ARHGEF10L: variants seen among roughly 807,000 people sequenced by gnomAD.
ARHGEF10L encodes the protein Rho guanine nucleotide exchange factor 10 like.
A neutral mutation model predicts 141.2 loss-of-function variants in ARHGEF10L; 69 were observed. That is an observed-to-expected ratio of 0.49 (90% CI 0.40 to 0.60). The LOEUF (loss-of-function observed/expected upper bound fraction) is 0.60, where lower values mean the gene tolerates loss of function less well. ARHGEF10L is among the 20% of genes least tolerant of loss of function. ARHGEF10L has a pLI of 0.00. For synonymous variants in ARHGEF10L, 711 were observed against 718.5 expected (o/e 0.99, Z 0.17); for missense variants, 1,482 against 1,734.3 (o/e 0.85, Z 2.58).
At chr1:17,608,757 TC>T (rs1192905710) in intron 7 of ARHGEF10L, among the ~76,000 whole-genome samples, 1 of 152,136 alleles carries the variant, frequency 6.6e-6, no homozygotes, top group Non-Finnish European at 1.5e-5. Context: ...GGGGATGGCG[TC>T]CCTCTCAGGC....
At chr1:17,532,259 T>A in the ARHGEF10L span, among the ~76,000 whole-genome samples, 3 of 152,268 alleles carry the variant, frequency 2.0e-5, no homozygotes, top group Admixed American at 6.5e-5. Flanking sequence ...CAGCAACTCT[T>A]ATGCCTGGGA....
intron 1 of ARHGEF10L, among the ~76,000 whole-genome samples, chr1:17,545,912 G>A (rs764787935): frequency 5.3e-5 from 8 of 152,168 alleles, no homozygotes; most frequent in Non-Finnish European, 8.8e-5. Context: ...GAGTTAATGT[G>A]TGTTTTCTCC....
Position 17,587,636 on chromosome 1 carries a change from C to A in ARHGEF10L, c.214C>A (p.Pro72Thr). 1 of 1,610,862 alleles carries A rather than the reference C, an allele frequency of 6.2e-7. No individual in the cohort carries two copies. Among genetic ancestry groups the A allele is most frequent in the Non-Finnish European group, 8.5e-7 (1 of 1,178,278 alleles). Residue 72 changes from proline to threonine, a missense_variant, in exon 3 of 29, where the codon CCT (proline) becomes ACT (threonine). Physicochemically the swap from Pro to Thr is conservative, Grantham distance 38. Coordinates refer to ENST00000361221, the MANE Select transcript of ARHGEF10L (RefSeq NM_018125.4). ...CCCACTGATCCACTTGGACTCCATC[C>A]CTGTCACTGGTAAGATGTTTCTGGG... ...DPPLIHLDSIPVTDPDPAAAP... is the reference protein window; with the variant it reads ...DPPLIHLDSITVTDPDPAAAP...
intron 1 of ARHGEF10L, among the ~76,000 whole-genome samples, chr1:17,571,185 C>T (rs2077983435): frequency 6.6e-6 from 1 of 152,030 alleles, no homozygotes; most frequent in Non-Finnish European, 1.5e-5. Context: ...GAACTGCCAA[C>T]CTGGAGGGAG....
chr1:17,589,185 C>A (rs183179767), intron 4 of ARHGEF10L, among the ~76,000 whole-genome samples: 24 of 152,182 alleles, frequency 1.6e-4, no homozygotes. Context: ...AATGGGCTAT[C>A]GGGTAAGATG....
At chr1:17,526,014 AAAAAG>A in the ARHGEF10L span, among the ~76,000 whole-genome samples, 55 of 151,780 alleles carry the variant, frequency 3.6e-4, no homozygotes, top group Non-Finnish European at 6.0e-4. Flanking sequence ...AAAAAAAAAA[AAAAAG>A]AAAAGAAAAA....
At chr1:17,525,279 T>A in the ARHGEF10L span, among the ~76,000 whole-genome samples, 1 of 152,164 alleles carries the variant, frequency 6.6e-6, no homozygotes, top group African/African-American at 2.4e-5. Flanking sequence ...CTGAGCAATG[T>A]TATAATTAAA....
chr1:17,544,337 C>CTGGA (rs2076840790), intron 1 of ARHGEF10L, among the ~76,000 whole-genome samples: 1 of 151,816 alleles, frequency 6.6e-6, no homozygotes, highest in Admixed American at 6.6e-5. Context: ...GTTGCTCAGG[C>CTGGA]TGGAGTGCAA....
chr1:17,581,309 C>CAAAA (rs71014975), intron 2 of ARHGEF10L, among the ~76,000 whole-genome samples: 98 of 69,252 alleles, frequency 1.4e-3, no homozygotes, highest in Middle Eastern at 0.012. Flanking sequence ...AAGACTGTCT[C>CAAAA]AAAAAAAAAA....
In ARHGEF10L at chr1:17,635,214, G is replaced by A. The variant is rs767298888; in HGVS notation, c.1927+198G>A. 3.3e-5 allele frequency among the ~76,000 whole-genome samples: 5 copies of A among 152,110 alleles called. No individual in the cohort carries two copies. In the East Asian group the frequency reaches 5.8e-4, roughly 18 times the overall value. Reference sequence around the variant, plus strand: ...GAGCCATGGCCTCACCTGGGTGTGCGCAGGTGCATCTCCCAATCCACACAC... The same window carrying A: ...GAGCCATGGCCTCACCTGGGTGTGCACAGGTGCATCTCCCAATCCACACAC... On this transcript the variant is annotated intron_variant, in intron 18 of 28. Transcript: ENST00000361221.
chr1:17,548,241 C>T (rs559189040), intron 1 of ARHGEF10L, among the ~76,000 whole-genome samples: 18 of 152,156 alleles, frequency 1.2e-4, no homozygotes, highest in Non-Finnish European at 2.4e-4. Flanking sequence ...GGAGAAAAGG[C>T]ATATAGATTT....
intron 26 of ARHGEF10L, among the ~76,000 whole-genome samples, chr1:17,665,152 A>G (rs548846832): frequency 6.6e-6 from 1 of 152,180 alleles, no homozygotes; most frequent in Non-Finnish European, 1.5e-5. Flanking sequence ...CCTGCAGTCC[A>G]TCCTGGGCGG....
chr1:17,540,402 C>T (rs925211749), intron 1 of ARHGEF10L, among the ~76,000 whole-genome samples: 24 of 152,088 alleles, frequency 1.6e-4, no homozygotes, highest in African/African-American at 4.6e-4. Context: ...ACCCTGGACC[C>T]CCGCCCAGAG....
Position 17,655,912 on chromosome 1 carries a change from G to A in ARHGEF10L, c.2515G>A (p.Val839Met), listed in dbSNP as rs1176403160. 1.7e-5 allele frequency: 26 copies of A among 1,556,394 alleles called. No homozygotes were observed. Among genetic ancestry groups the A allele is most frequent in the Admixed American group, 3.9e-5 (2 of 51,914 alleles). The change falls in exon 24 of 29, where the codon GTG (valine) becomes ATG (methionine). Residue 839 changes from valine (V) to methionine (M), a missense_variant. Transcript: ENST00000361221. Reference sequence around the variant, plus strand: ...CGGACAGGAAGGCGCAGGGGGCCAGGTGGAAATCTTTTCCTTGAACCGGCC... The same window carrying A: ...CGGACAGGAAGGCGCAGGGGGCCAGATGGAAATCTTTTCCTTGAACCGGCC... Reference protein sequence around the residue: ...GGGQEGAGGQVEIFSLNRPSP... With the variant: ...GGGQEGAGGQMEIFSLNRPSP...
At chr1:17,602,530 T>C (rs957554517) in intron 5 of ARHGEF10L, among the ~76,000 whole-genome samples, 13 of 151,900 alleles carry the variant, frequency 8.6e-5, no homozygotes, top group African/African-American at 2.2e-4. Flanking sequence ...CACCTTGCCA[T>C]GGGAAGGTGC....
intron 22 of ARHGEF10L, 77 bp downstream of exon 22, chr1:17,648,752 C>T: frequency 6.4e-7 from 1 of 1,561,088 alleles, no homozygotes; most frequent in Non-Finnish European, 8.7e-7. Context: ...CCAGAGTTTC[C>T]AGGGAGCGCC....
chr1:17,548,039 C>T (rs1374670222), intron 1 of ARHGEF10L, among the ~76,000 whole-genome samples: 1 of 152,138 alleles, frequency 6.6e-6, no homozygotes, highest in Non-Finnish European at 1.5e-5. Flanking sequence ...ATAGGGATAA[C>T]ACTAGTAGCT....
At chr1:17,591,332 T>G (rs1022020472) in intron 4 of ARHGEF10L, among the ~76,000 whole-genome samples, 1 of 152,030 alleles carries the variant, frequency 6.6e-6, no homozygotes, top group Non-Finnish European at 1.5e-5. Flanking sequence ...ATCCTTGACC[T>G]TCCAGGCTTG....
Position 17,623,216 on chromosome 1 carries a change from A to G in ARHGEF10L, c.1200+41A>G, listed in dbSNP as rs1228013218. On this transcript the variant is annotated intron_variant, in intron 12 of 28. Transcript: ENST00000361221. This position sits in a 1 kb window ranked among gnomAD's most constrained non-coding sequence, Gnocchi z 4.7. The stretch of plus-strand genomic sequence containing the variant: ...CTTTTTCCCCAGCCCACCAAGGTAA[A>G]ACCACAACCAGTCTGACCCCGGGGC... 5 of 1,598,022 alleles carry G rather than the reference A, an allele frequency of 3.1e-6. No individual in the cohort carries two copies. The highest frequency in any genetic ancestry group is 4.3e-6 in the Non-Finnish European group (5 of 1,171,342).
Sources: gnomAD v4.1 joint callset for allele counts (sites outside exome capture counted in the v4.1 genomes callset) on GRCh38, gnomAD v4.1.1 for gene constraint, Gnocchi (gnomAD v3.1) non-coding constraint, MANE v1.5 for transcripts, NCBI Gene and HGNC (gene_info 2026-07-23, HGNC 2026-07-21) for gene names.